Variants in SHTN1 observed in about 807,000 individuals in gnomAD.
The protein encoded by SHTN1 is shootin-1.
In SHTN1, 42 loss-of-function variants were observed where a neutral mutation model predicts 83.1. The observed-to-expected ratio is 0.51, with a 90% CI of 0.39 to 0.65. The LOEUF is 0.65. SHTN1 is among the 30% of genes least tolerant of loss of function. The pLI, the probability that SHTN1 is intolerant of heterozygous loss-of-function variation, is 0.00. For missense variants in SHTN1, 622 were observed against 737.8 expected, an observed-to-expected ratio of 0.84 and a Z score of 1.82; for synonymous variants, 224 against 247.7, an observed-to-expected ratio of 0.90 and a Z score of 0.90.
intron 6 of SHTN1, 152 bp downstream of exon 6, chr10:116,951,757 T>C (rs1240118579): frequency 4.7e-6 from 2 of 427,248 alleles, no homozygotes; most frequent in East Asian, 7.0e-5. Context: ...TCCTCTACCT[T>C]TTTTTATGTC....
chr10:116,918,793 TCAAGGCACGG>T (rs1207488717), intron 12 of SHTN1, among the ~76,000 whole-genome samples: 1 of 152,178 alleles, frequency 6.6e-6, no homozygotes, highest in Non-Finnish European at 1.5e-5. Flanking sequence ...GATTAGCAAA[TCAAGGCACGG>T]CGAAGTAAGA....
chr10:116,907,228 C>T lies in SHTN1; in HGVS notation c.1360-481G>A, dbSNP rs970859621. 7.2e-5 allele frequency among the ~76,000 whole-genome samples: 11 copies of T among 152,108 alleles called. No individual in the cohort carries two copies. The East Asian group carries it at 7.7e-4, about 11-fold the overall frequency. ...CTGGCTGCACACCTGATGTCCGTGGCGTCGTAGCTGTCAAAGGAGGCACAT... is the reference window on the plus strand; with the variant it reads ...CTGGCTGCACACCTGATGTCCGTGGTGTCGTAGCTGTCAAAGGAGGCACAT... On this transcript the variant is annotated intron_variant, in intron 14 of 16. Coordinates refer to ENST00000355371, the MANE Select transcript of SHTN1 (RefSeq NM_001127211.3).
At chr10:117,062,914 A>G (rs1852924007) in intron 1 of SHTN1, among the ~76,000 whole-genome samples, 1 of 152,212 alleles carries the variant, frequency 6.6e-6, no homozygotes, top group South Asian at 2.1e-4. Flanking sequence ...GGCAAGGCAT[A>G]GGTAATTACA....
chr10:116,929,740 C>G, intron 10 of SHTN1, 109 bp downstream of exon 10: 1 of 615,426 alleles, frequency 1.6e-6, no homozygotes, highest in African/African-American at 1.9e-5. Flanking sequence ...TGGTATTTTT[C>G]CACAGCATTC....
At chr10:117,001,882 TA>T (rs1398168801) in intron 1 of SHTN1, among the ~76,000 whole-genome samples, 6 of 151,534 alleles carry the variant, frequency 4.0e-5, no homozygotes, top group Admixed American at 2.6e-4. Context: ...TGTATCAGTT[TA>T]AAAAAAAATC....
chr10:117,032,492 C>T (rs994125900), intron 2 of SHTN1, among the ~76,000 whole-genome samples: 1 of 152,160 alleles, frequency 6.6e-6, no homozygotes, highest in Admixed American at 6.5e-5. Flanking sequence ...ACATGAGCCA[C>T]TGCACCCAGC....
At chr10:117,068,859 G>C (rs1348784519) in intron 1 of SHTN1, among the ~76,000 whole-genome samples, 1 of 152,138 alleles carries the variant, frequency 6.6e-6, no homozygotes, top group Non-Finnish European at 1.5e-5. Flanking sequence ...TGAGTGATGA[G>C]TACACAGACA....
At chr10:117,024,123 G>A (rs1435293887) in intron 2 of SHTN1, among the ~76,000 whole-genome samples, 1 of 151,902 alleles carries the variant, frequency 6.6e-6, no homozygotes, top group Non-Finnish European at 1.5e-5. Flanking sequence ...TAAAAATTAT[G>A]CTGAATGGAA....
chr10:117,008,569 T>C (rs1852054964), upstream of SHTN1, among the ~76,000 whole-genome samples: 1 of 152,160 alleles, frequency 6.6e-6, no homozygotes, highest in South Asian at 2.1e-4. Context: ...GAAAACATTA[T>C]ACTCAGTGAA....
At position 117,088,877 on chromosome 10, in the gene SHTN1, C is replaced by T. The variant is rs550976156; in HGVS notation, c.-189+37430G>A. On this transcript the variant is annotated intron_variant, in intron 1 of 17. Transcript: ENST00000392901. ...CCTAGACCACACACACATCAGGGGT[C>T]TTGTCTGGGGCACTTTCAGTGAAGC... Among the ~76,000 whole-genome samples the T allele has an allele frequency of 2.6e-5, 4 of 152,334 alleles. No individual in the cohort carries two copies. In the South Asian group the frequency reaches 8.3e-4, roughly 32 times the overall value.
chr10:116,926,413 C>T (rs1028741255), intron 11 of SHTN1, among the ~76,000 whole-genome samples: 3 of 152,168 alleles, frequency 2.0e-5, no homozygotes, highest in African/African-American at 7.2e-5. Flanking sequence ...ACAGATTTAG[C>T]TACCCAGGAG....
intron 1 of SHTN1, among the ~76,000 whole-genome samples, chr10:116,993,444 A>T (rs993688754): frequency 3.3e-5 from 5 of 152,220 alleles, no homozygotes; most frequent in Non-Finnish European, 7.3e-5. Context: ...CTCCAAAGAT[A>T]TAGAAACTAA....
At chr10:116,983,702 A>G (rs1589868246) in intron 1 of SHTN1, among the ~76,000 whole-genome samples, 1 of 146,872 alleles carries the variant, frequency 6.8e-6, no homozygotes, top group East Asian at 1.9e-4. Context: ...ATACATACAT[A>G]CATACATACA....
At chr10:117,081,066 A>G (rs1377866893) in intron 1 of SHTN1, among the ~76,000 whole-genome samples, 1 of 151,864 alleles carries the variant, frequency 6.6e-6, no homozygotes, top group East Asian at 1.9e-4. Flanking sequence ...AACTTCCAAC[A>G]CTATGTTGAA....
At chr10:117,061,682 GCTGGTCT>G (rs1048592147) in intron 1 of SHTN1, among the ~76,000 whole-genome samples, 7 of 151,866 alleles carry the variant, frequency 4.6e-5, no homozygotes, top group Non-Finnish European at 1.0e-4. Context: ...TGTTGGTCAG[GCTGGTCT>G]CAAACTCCCG....
At chr10:116,934,779 T>C (rs2133386066) in intron 9 of SHTN1, among the ~76,000 whole-genome samples, 1 of 152,330 alleles carries the variant, frequency 6.6e-6, no homozygotes, top group East Asian at 1.9e-4. Flanking sequence ...ATTTTCACGA[T>C]ATTGATTCTT....
chr10:117,102,015 AAAG>A lies in SHTN1; in HGVS notation c.-189+24289_-189+24291del, dbSNP rs540637238. ...ACAGACTGTGAGGACAGAAAAAAAAAAAGAAGAAGAAGAAGAAGAAGTAAAGCC... is the reference window on the plus strand; with the variant it reads ...ACAGACTGTGAGGACAGAAAAAAAAAAAGAAGAAGAAGAAGAAGTAAAGCC... On this transcript the variant is annotated intron_variant, in intron 1 of 17. Coordinates refer to the SHTN1 transcript ENST00000392901. Among the ~76,000 whole-genome samples, 337 of 151,910 alleles carry A rather than the reference AAAG, an allele frequency of 2.2e-3. 1 individual carries two copies. The highest frequency in any genetic ancestry group is 4.0e-3 in the South Asian group (19 of 4,800).
At chr10:117,095,493 T>C (rs180773590) in intron 1 of SHTN1, among the ~76,000 whole-genome samples, 1 of 152,308 alleles carries the variant, frequency 6.6e-6, no homozygotes, top group African/African-American at 2.4e-5. Flanking sequence ...AAGAAGAATC[T>C]AGAGTTATGT....
chr10:117,021,619 A>G (rs1429522361), intron 2 of SHTN1, among the ~76,000 whole-genome samples: 1 of 152,230 alleles, frequency 6.6e-6, no homozygotes, highest in Non-Finnish European at 1.5e-5. Context: ...GTTTGCTATA[A>G]AAATGTAATA....
Sources: gnomAD v4.1 joint callset for allele counts (sites outside exome capture counted in the v4.1 genomes callset) on GRCh38, gnomAD v4.1.1 for gene constraint, MANE v1.5 for transcripts, NCBI Gene and HGNC (gene_info 2026-07-23, HGNC 2026-07-21) for gene names.